Variants in PTPN21 observed in about 807,000 individuals in gnomAD.
The protein encoded by PTPN21 is protein tyrosine phosphatase non-receptor type 21.
PTPN21 carries 77 observed loss-of-function variants against 131.8 expected under a neutral mutation model. That is an observed-to-expected ratio of 0.58 (90% CI 0.49 to 0.71). The LOEUF is 0.71. PTPN21 is among the 30% of genes least tolerant of loss of function. PTPN21 has a pLI of 0.00. For synonymous variants in PTPN21, 715 were observed against 621.3 expected (o/e 1.15, Z -2.24); for missense variants, 1,552 against 1,527.1 (o/e 1.02, Z -0.27).
intron 2 of PTPN21, chr14:88,547,791 G>A (rs865913524): frequency 2.1e-5 from 8 of 386,706 alleles, no homozygotes; most frequent in South Asian, 4.0e-5. Context: ...AGGGGTCTGC[G>A]ATGTCCTCTT....
At chr14:88,474,709 G>A (rs1418220035) in intron 13 of PTPN21, among the ~76,000 whole-genome samples, 6 of 152,150 alleles carry the variant, frequency 3.9e-5, no homozygotes, top group African/African-American at 1.2e-4. Context: ...ACACCAGGAG[G>A]ATAGGACAGA....
At chr14:88,490,308 C>T (rs550205733) in intron 10 of PTPN21, among the ~76,000 whole-genome samples, 3 of 152,160 alleles carry the variant, frequency 2.0e-5, no homozygotes, top group South Asian at 4.2e-4. Context: ...CGTGACCGGC[C>T]GACATGTGTG....
In PTPN21 at chr14:88,550,454, A is replaced by G. The variant is rs751609201; in HGVS notation, c.-37T>C. 7 of 1,589,278 alleles carry G rather than the reference A, an allele frequency of 4.4e-6. No individual in the cohort carries two copies. The highest frequency in any genetic ancestry group is 5.2e-6 in the Non-Finnish European group (6 of 1,161,978). On this transcript the variant is annotated 5_prime_UTR_variant, in exon 2 of 19. Transcript: ENST00000556564. ...TTCAAGAATGGAGGAGCAAAGAGGG[A>G]AAAGCTACCCCCACCAACCCAGCGC...
At chr14:88,472,722 G>A (rs936578587) in intron 14 of PTPN21, among the ~76,000 whole-genome samples, 3 of 152,000 alleles carry the variant, frequency 2.0e-5, no homozygotes, top group East Asian at 1.9e-4. Flanking sequence ...ATTAAAAAAC[G>A]AGCCAGGTGT....
At chr14:88,541,637 CT>C (rs1267154827) in intron 2 of PTPN21, among the ~76,000 whole-genome samples, 9 of 152,300 alleles carry the variant, frequency 5.9e-5, no homozygotes, top group South Asian at 4.2e-4. Flanking sequence ...TCTGTCCCCC[CT>C]GAGAGGGGCT....
At chr14:88,549,880 A>G (rs1429981831) in intron 2 of PTPN21, among the ~76,000 whole-genome samples, 2 of 151,344 alleles carry the variant, frequency 1.3e-5, no homozygotes, top group Non-Finnish European at 2.9e-5. Flanking sequence ...CTCCTGTCTC[A>G]GCCTCCCGAG....
rs759294844 is a variant in PTPN21, at chr14:88,550,433, A to T, written c.-16T>A. ...GCAGTGGCATCTTCTTCTTTCTTCAAGAATGGAGGAGCAAAGAGGGAAAAG... is the reference window on the plus strand; with the variant it reads ...GCAGTGGCATCTTCTTCTTTCTTCATGAATGGAGGAGCAAAGAGGGAAAAG... On this transcript the variant is annotated 5_prime_UTR_variant, in exon 2 of 19. It adds an upstream start codon to the 5' untranslated region. Transcript: ENST00000556564. 1.1e-5 allele frequency: 17 copies of T among 1,609,980 alleles called. No homozygotes were observed. In the South Asian group the frequency reaches 1.8e-4, roughly 17 times the overall value.
chr14:88,508,108 T>C, intron 3 of PTPN21, 88 bp from the exon 4 acceptor site: 1 of 658,698 alleles, frequency 1.5e-6, no homozygotes. Flanking sequence ...TAGAGAAGCA[T>C]AAACCAGTGA....
At chr14:88,529,685 G>C (rs1271243904) in intron 2 of PTPN21, among the ~76,000 whole-genome samples, 1 of 152,042 alleles carries the variant, frequency 6.6e-6, no homozygotes, top group Non-Finnish European at 1.5e-5. Flanking sequence ...TCAAGACAGA[G>C]GAAAGAATCT....
chr14:88,545,141 T>C (rs775741022), intron 2 of PTPN21, among the ~76,000 whole-genome samples: 11 of 152,158 alleles, frequency 7.2e-5, no homozygotes, highest in Non-Finnish European at 1.6e-4. Context: ...GGCCGACTTA[T>C]GAAAATATCT....
intron 10 of PTPN21, among the ~76,000 whole-genome samples, chr14:88,492,356 T>C (rs533565756): frequency 1.3e-5 from 2 of 152,300 alleles, no homozygotes; most frequent in African/African-American, 4.8e-5. Flanking sequence ...CAAAGGCAAG[T>C]AGCACTACTG....
intron 10 of PTPN21, among the ~76,000 whole-genome samples, chr14:88,487,772 CCTT>C (rs1179221081): frequency 6.6e-6 from 1 of 151,986 alleles, no homozygotes; most frequent in African/African-American, 2.4e-5. Flanking sequence ...AAAAAATACT[CCTT>C]AACTGCACAT....
At chr14:88,478,300 C>A (rs903616463) in intron 13 of PTPN21, among the ~76,000 whole-genome samples, 2 of 152,174 alleles carry the variant, frequency 1.3e-5, no homozygotes, top group African/African-American at 4.8e-5. Flanking sequence ...CGGGGACTTT[C>A]CTTAGATTCT....
At position 88,544,834 on chromosome 14, in the gene PTPN21, T is replaced by C. The variant is rs181814085; in HGVS notation, c.180+5404A>G. 6.8e-4 allele frequency among the ~76,000 whole-genome samples: 103 copies of C among 152,214 alleles called. 2 individuals are homozygous for C. Among genetic ancestry groups the C allele is most frequent in the Non-Finnish European group, 2.2e-4 (15 of 68,000 alleles). Reference sequence around the variant, plus strand: ...AAAAATATGTACTTTTTCTTTTCTTTTCTTTTTTTTTGAGACAGAGTCTCA... The same window carrying C: ...AAAAATATGTACTTTTTCTTTTCTTCTCTTTTTTTTTGAGACAGAGTCTCA... On this transcript the variant is annotated intron_variant, in intron 2 of 18. Transcript: ENST00000556564.
In PTPN21 at chr14:88,478,978, G is replaced by C; in HGVS notation, c.2453C>G (p.Pro818Arg). 1 of 1,572,202 alleles carries C rather than the reference G, an allele frequency of 6.4e-7. No homozygotes were observed. Among genetic ancestry groups the C allele is most frequent in the South Asian group, 1.2e-5 (1 of 85,372 alleles). ...CTTCCCAGAGAGAAGGTCCGACACC[G>C]GCCTTTTCTTCAGAGAGTCCCTCCG... Reference protein sequence around the residue: ...RARRDSLKKRPVSDLLSGKKN... With the variant: ...RARRDSLKKRRVSDLLSGKKN... Residue 818 changes from proline to arginine, a missense_variant, in exon 13 of 19, where the codon CCG becomes CGG. By Grantham distance (103) the Pro-to-Arg change is moderately radical. This residue lies in a region of PTPN21 where 1,016 missense variants were observed against 883.5 expected (regional missense o/e 1.15). Transcript: ENST00000556564.
Position 88,480,352 on chromosome 14 carries a change from T to C in PTPN21, c.1079A>G (p.Asp360Gly). Residue 360 changes from aspartate to glycine, a missense_variant and splice_region_variant, in exon 13 of 19, where the codon GAT becomes GGT. Around this residue, in one of 4 missense-constraint regions of PTPN21, gnomAD observed 1,016 missense variants for 883.5 expected, o/e 1.15. Transcript: ENST00000556564. ...GTTCTGGTTGGGCACAAAGAGGTTA[T>C]CTAGAAAAAATGAGTTCAAAATGAG... ...HYTEPYASSQ[D>G]NLFVPNQNGY... 6.2e-7 allele frequency: 1 copy of C among 1,600,640 alleles called. No individual in the cohort carries two copies. The highest frequency in any genetic ancestry group is 8.5e-7 in the Non-Finnish European group (1 of 1,171,358).
At chr14:88,533,261 T>C (rs1022079810) in intron 2 of PTPN21, among the ~76,000 whole-genome samples, 4 of 152,224 alleles carry the variant, frequency 2.6e-5, no homozygotes, top group African/African-American at 9.6e-5. Flanking sequence ...GTTTAACTAG[T>C]AGCATAGAAG....
chr14:88,547,368 C>G (rs1047166923), intron 2 of PTPN21, among the ~76,000 whole-genome samples: 2 of 151,384 alleles, frequency 1.3e-5, no homozygotes, highest in African/African-American at 4.9e-5. Flanking sequence ...AGCCACTAAG[C>G]CAGGCAAGGT....
At chr14:88,516,300 A>T (rs2078268403) in intron 3 of PTPN21, among the ~76,000 whole-genome samples, 1 of 152,084 alleles carries the variant, frequency 6.6e-6, no homozygotes, top group Non-Finnish European at 1.5e-5. Context: ...GATTCCAGTA[A>T]ATACATGTGA....
Sources: allele counts gnomAD v4.1 joint callset (sites outside exome capture counted in the v4.1 genomes callset), GRCh38; gene constraint gnomAD v4.1.1; regional missense constraint gnomAD v4.1.1; transcripts MANE v1.5; gene names NCBI Gene and HGNC (gene_info 2026-07-23, HGNC 2026-07-21).